ARHGAP15: variants seen among roughly 807,000 people sequenced by gnomAD.
The protein encoded by ARHGAP15 is rho GTPase-activating protein 15.
In ARHGAP15, 51 loss-of-function variants were observed where a neutral mutation model predicts 63.7. The observed-to-expected ratio is 0.80, with a 90% CI of 0.64 to 1.01. The LOEUF (loss-of-function observed/expected upper bound fraction) is 1.01. Ranked by LOEUF, ARHGAP15 falls within the 50% of genes least tolerant of loss-of-function variation. The probability of loss-of-function intolerance (pLI) is 0.00; values close to 1 mark genes in which losing one functional copy is unlikely to be tolerated. For synonymous variants in ARHGAP15, 191 were observed against 193.8 expected (o/e 0.99, Z 0.12); for missense variants, 560 against 564.6 (o/e 0.99, Z 0.08).
intron 8 of ARHGAP15, among the ~76,000 whole-genome samples, chr2:143,475,914 G>A (rs888360040): frequency 1.3e-5 from 2 of 152,146 alleles, no homozygotes; most frequent in African/African-American, 4.8e-5. Context: ...CCTTTAAATT[G>A]CAAGGCATGC....
intron 9 of ARHGAP15, among the ~76,000 whole-genome samples, chr2:143,503,842 C>T (rs1361636341): frequency 6.6e-6 from 1 of 152,134 alleles, no homozygotes; most frequent in Non-Finnish European, 1.5e-5. Context: ...GACATGTATT[C>T]TCTGAGCCAC....
intron 3 of ARHGAP15, among the ~76,000 whole-genome samples, chr2:143,211,943 T>C (rs1007199354): frequency 2.0e-5 from 3 of 152,258 alleles, no homozygotes; most frequent in African/African-American, 7.2e-5. Flanking sequence ...AGAGAAAACG[T>C]TATGAGGCAT....
chr2:143,218,121 TTG>T (rs2105147640), intron 4 of ARHGAP15, among the ~76,000 whole-genome samples: 1 of 152,306 alleles, frequency 6.6e-6, no homozygotes, highest in Non-Finnish European at 1.5e-5. Flanking sequence ...TTGTATACTA[TTG>T]TGTTTTTGTT....
chr2:143,388,580 A>G (rs1687400169), intron 6 of ARHGAP15, among the ~76,000 whole-genome samples: 1 of 152,150 alleles, frequency 6.6e-6, no homozygotes. Flanking sequence ...TCTAAACTTA[A>G]TAGGCTTAGG....
chr2:143,201,561 A>G (rs963119465), intron 2 of ARHGAP15, among the ~76,000 whole-genome samples: 1 of 152,040 alleles, frequency 6.6e-6, no homozygotes, highest in Non-Finnish European at 1.5e-5. Flanking sequence ...GAGATAGGGA[A>G]TAGAATGATG....
intron 8 of ARHGAP15, among the ~76,000 whole-genome samples, chr2:143,458,420 A>C (rs1464227353): frequency 1.3e-5 from 2 of 152,134 alleles, no homozygotes; most frequent in Non-Finnish European, 2.9e-5. Flanking sequence ...GTTTTCCAGG[A>C]AATTCCTTCA....
intron 9 of ARHGAP15, among the ~76,000 whole-genome samples, chr2:143,513,333 A>G (rs1478818097): frequency 6.6e-6 from 1 of 152,184 alleles, no homozygotes; most frequent in African/African-American, 2.4e-5. Context: ...AATAATCAGC[A>G]GTGTACTTCA....
intron 11 of ARHGAP15, among the ~76,000 whole-genome samples, chr2:143,613,527 T>C (rs1160633877): frequency 6.6e-6 from 1 of 152,212 alleles, no homozygotes; most frequent in Non-Finnish European, 1.5e-5. Flanking sequence ...ATTGAAGTCT[T>C]ATCTCTGGTC....
At chr2:143,632,932 A>G (rs1358703456) in intron 12 of ARHGAP15, among the ~76,000 whole-genome samples, 2 of 152,200 alleles carry the variant, frequency 1.3e-5, no homozygotes, top group African/African-American at 4.8e-5. Context: ...GCACTTGACT[A>G]AAAACGGTTG....
rs1681565577 is a variant in ARHGAP15 at position 143,276,607 on chromosome 2, C to T, written c.474+26007C>T. Among the ~76,000 whole-genome samples the T allele has an allele frequency of 3.3e-5, 5 of 152,182 alleles. No individual in the cohort carries two copies. The South Asian group carries it at 1.0e-3, about 32-fold the overall frequency. On this transcript the variant is annotated intron_variant, in intron 6 of 13. Transcript: ENST00000295095. ...ATATTCCTTCTCTCATTACATTTTG[C>T]ATCTTTGTAAAGCAGGGGCCACAAC...
At chr2:143,193,398 C>T (rs1691753278) in intron 2 of ARHGAP15, 1 of 152,672 alleles carries the variant, frequency 6.5e-6, no homozygotes, top group Admixed American at 6.5e-5. Flanking sequence ...GCTGTCTGGC[C>T]TGAGCCAACA....
intron 6 of ARHGAP15, among the ~76,000 whole-genome samples, chr2:143,400,615 T>C (rs765806807): frequency 8.6e-5 from 13 of 152,012 alleles, no homozygotes; most frequent in African/African-American, 2.9e-4. Context: ...ATACTAGATA[T>C]ACAGATAACC....
At chr2:143,180,523 A>G (rs1337352027) in intron 2 of ARHGAP15, among the ~76,000 whole-genome samples, 1 of 152,208 alleles carries the variant, frequency 6.6e-6, no homozygotes, top group Non-Finnish European at 1.5e-5. Flanking sequence ...ATTAATGTTG[A>G]TATTTTGACC....
chr2:143,734,547 A>G (rs1685671565), intron 13 of ARHGAP15, among the ~76,000 whole-genome samples: 1 of 152,228 alleles, frequency 6.6e-6, no homozygotes, highest in Non-Finnish European at 1.5e-5. Flanking sequence ...TAGCCACTGC[A>G]GGTAGCTTTC....
At chr2:143,357,038 AAAGATTT>A (rs1372617408) in intron 6 of ARHGAP15, among the ~76,000 whole-genome samples, 7 of 152,306 alleles carry the variant, frequency 4.6e-5, no homozygotes, top group Admixed American at 3.9e-4. Flanking sequence ...GGTCAGCATT[AAAGATTT>A]ATGTTGCACT....
chr2:143,560,557 G>T (rs1464042442), intron 11 of ARHGAP15, among the ~76,000 whole-genome samples: 1 of 152,242 alleles, frequency 6.6e-6, no homozygotes, highest in East Asian at 1.9e-4. Flanking sequence ...CAATTCATCA[G>T]CTGTTGATTA....
intron 6 of ARHGAP15, among the ~76,000 whole-genome samples, chr2:143,259,108 T>C (rs1313645536): frequency 2.0e-5 from 3 of 152,076 alleles, no homozygotes; most frequent in Non-Finnish European, 4.4e-5. Context: ...AAGCTTCTGA[T>C]ATTTGAGATC....
intron 9 of ARHGAP15, among the ~76,000 whole-genome samples, chr2:143,508,574 G>C (rs12615106): frequency 0.089 from 13,565 of 152,222 alleles, 880 homozygotes; most frequent in East Asian, 0.22. Flanking sequence ...TTTACTTGGT[G>C]AAACCCTTCT....
intron 12 of ARHGAP15, among the ~76,000 whole-genome samples, chr2:143,648,193 G>A (rs1227227367): frequency 6.6e-6 from 1 of 152,106 alleles, no homozygotes; most frequent in Non-Finnish European, 1.5e-5. Context: ...CTTGTTACTC[G>A]AGTTCTATAA....
Sources: allele counts gnomAD v4.1 joint callset (sites outside exome capture counted in the v4.1 genomes callset), GRCh38; gene constraint gnomAD v4.1.1; transcripts MANE v1.5; gene names NCBI Gene and HGNC (gene_info 2026-07-23, HGNC 2026-07-21).